The following MBD5 variants were observed in gnomAD, a reference collection of about 807,000 sequenced individuals.
The protein encoded by MBD5 is methyl-CpG-binding domain protein 5.
In MBD5, 13 loss-of-function variants were observed where a neutral mutation model predicts 117.3. That is an observed-to-expected ratio of 0.11 (90% CI 0.07 to 0.18). The LOEUF (loss-of-function observed/expected upper bound fraction) is 0.18. MBD5 is among the 10% of genes least tolerant of loss of function. MBD5 has a pLI of 1.00. For missense variants in MBD5, 1,879 were observed against 2,093.8 expected (o/e 0.90, Z 2.00); for synonymous variants, 727 against 766.4 (o/e 0.95, Z 0.85).
chr2:148,446,286 A>G (rs1454045926), intron 4 of MBD5, among the ~76,000 whole-genome samples: 1 of 152,108 alleles, frequency 6.6e-6, no homozygotes, highest in African/African-American at 2.4e-5. Context: ...TAAGTCTTTA[A>G]TCCATCTTGA....
rs1574328823 is a variant in MBD5, at chr2:148,356,910, A to T, written c.-557+14574A>T. On this transcript the variant is annotated intron_variant, in intron 4 of 13. Coordinates refer to ENST00000642680, the MANE Select transcript of MBD5 (RefSeq NM_001378120.1). ...TTCTCTTTTCTTTTCTTTTTTTTTA[A>T]TTCTGCTGTGATGAAGCGTATCCCT... Among the ~76,000 whole-genome samples the T allele has an allele frequency of 2.2e-5, 3 of 138,914 alleles. No homozygotes were observed. The South Asian group carries it at 7.1e-4, about 33-fold the overall frequency. 91.1% of individuals were successfully genotyped at this position (138,914 alleles called of 152,430 possible).
At chr2:148,053,539 A>T (rs1029516559) in intron 1 of MBD5, among the ~76,000 whole-genome samples, 2 of 152,000 alleles carry the variant, frequency 1.3e-5, no homozygotes, top group African/African-American at 4.8e-5. Context: ...TTTTGGGTTT[A>T]ATCATCTCTT....
intron 2 of MBD5, among the ~76,000 whole-genome samples, chr2:148,214,546 C>T (rs975354766): frequency 1.3e-5 from 2 of 152,012 alleles, no homozygotes; most frequent in Non-Finnish European, 1.5e-5. Flanking sequence ...CTTAAATTTC[C>T]CCAGTATCAC....
chr2:148,155,619 A>G (rs1697854270), intron 1 of MBD5, among the ~76,000 whole-genome samples: 1 of 152,110 alleles, frequency 6.6e-6, no homozygotes, highest in South Asian at 2.1e-4. Flanking sequence ...TTGGGCTTTT[A>G]TCATGGTCAC....
At chr2:148,444,413 C>T (rs1277616944) in intron 4 of MBD5, among the ~76,000 whole-genome samples, 1 of 151,180 alleles carries the variant, frequency 6.6e-6, no homozygotes, top group African/African-American at 2.5e-5. Flanking sequence ...TCTACTTCAG[C>T]CATCAGGCAG....
chr2:148,295,158 C>G (rs77717570), intron 3 of MBD5, among the ~76,000 whole-genome samples: 18,146 of 152,224 alleles, frequency 0.12, 1,429 homozygotes, highest in Non-Finnish European at 0.18. Context: ...ACATCTCCTT[C>G]TGGTACCCCT....
At chr2:148,294,252 T>G (rs1574250107) in intron 3 of MBD5, among the ~76,000 whole-genome samples, 5 of 139,270 alleles carry the variant, frequency 3.6e-5, no homozygotes, top group East Asian at 2.2e-4. Flanking sequence ...TGAGACAGAG[T>G]CTTGCTCTGT....
intron 3 of MBD5, among the ~76,000 whole-genome samples, chr2:148,326,463 G>A (rs1379867884): frequency 2.0e-5 from 3 of 152,074 alleles, no homozygotes; most frequent in Non-Finnish European, 2.9e-5. Context: ...ATTAATGTGT[G>A]GGAGTCTAAG....
At chr2:148,332,296 A>G (rs1057290357) in intron 3 of MBD5, among the ~76,000 whole-genome samples, 12 of 152,206 alleles carry the variant, frequency 7.9e-5, no homozygotes, top group Non-Finnish European at 4.4e-5. Context: ...AACTCAGTTC[A>G]TAGCTGAACC....
intron 4 of MBD5, among the ~76,000 whole-genome samples, chr2:148,420,903 AT>A (rs981106689): frequency 1.3e-4 from 20 of 151,876 alleles, no homozygotes; most frequent in African/African-American, 4.8e-4. Context: ...ACGTTTTTGT[AT>A]TTTTGGTAGT....
At chr2:148,459,991 G>T (rs960180331) in intron 5 of MBD5, among the ~76,000 whole-genome samples, 8 of 152,152 alleles carry the variant, frequency 5.3e-5, no homozygotes, top group Non-Finnish European at 1.0e-4. Context: ...TGGTAGATGA[G>T]ATGAACAAGC....
chr2:148,224,631 G>A (rs1699773854), intron 2 of MBD5, among the ~76,000 whole-genome samples: 1 of 147,422 alleles, frequency 6.8e-6, no homozygotes, highest in East Asian at 2.0e-4. Context: ...AAAGTGCTAG[G>A]ATTACAGGCG....
intron 2 of MBD5, among the ~76,000 whole-genome samples, chr2:148,232,334 C>A (rs978903386): frequency 1.3e-5 from 2 of 152,152 alleles, no homozygotes; most frequent in Non-Finnish European, 2.9e-5. Context: ...CATTCTGTTG[C>A]TCTATAGATA....
intron 4 of MBD5, among the ~76,000 whole-genome samples, chr2:148,441,122 T>C (rs1361145065): frequency 6.6e-6 from 1 of 152,182 alleles, no homozygotes; most frequent in African/African-American, 2.4e-5. Flanking sequence ...TTATTTATTA[T>C]ACTTTAAGTT....
rs144371661 is a variant in MBD5 at position 148,131,346 on chromosome 2, C to T, written c.-924-47354C>T. Among the ~76,000 whole-genome samples, 266 of 152,116 alleles carry T rather than the reference C, an allele frequency of 1.7e-3. 2 individuals are homozygous for T. Among genetic ancestry groups the T allele is most frequent in the African/African-American group, 5.9e-3 (247 of 41,514 alleles). ...AAATCTTGAATGAATGAATGAATGG[C>T]GTTTCATCTTTTCTTACACAATTTT... On this transcript the variant is annotated intron_variant, in intron 1 of 13. Coordinates refer to ENST00000642680, the MANE Select transcript of MBD5 (RefSeq NM_001378120.1).
At position 148,485,866 on chromosome 2, in the gene MBD5, G is replaced by A. The variant is rs143854410; in HGVS notation, c.3669G>A (p.Gln1223=). 99 of 1,613,982 alleles carry A rather than the reference G, an allele frequency of 6.1e-5. No homozygotes were observed. Among genetic ancestry groups the A allele is most frequent in the Non-Finnish European group, 1.5e-5 (18 of 1,179,984 alleles). The part of the protein sequence containing the change: ...QQQQQLLQGY[Q]NLQAFQGQST... ...AGCAGCAACTTCTCCAGGGGTACCA[G>A]AATCTCCAGGCGTTCCAAGGACAGT... Residue 1223 remains glutamine (Q), a synonymous_variant, in exon 10 of 14, where the codon CAG becomes CAA. Coordinates refer to ENST00000642680, the MANE Select transcript of MBD5 (RefSeq NM_001378120.1).
chr2:148,074,837 G>T (rs1455060717), intron 1 of MBD5, among the ~76,000 whole-genome samples: 1 of 152,070 alleles, frequency 6.6e-6, no homozygotes, highest in Non-Finnish European at 1.5e-5. Flanking sequence ...TGGCAGTAAT[G>T]ATTTGGAAAT....
intron 1 of MBD5, among the ~76,000 whole-genome samples, chr2:148,043,046 A>G (rs1694408334): frequency 6.6e-6 from 1 of 152,084 alleles, no homozygotes; most frequent in Non-Finnish European, 1.5e-5. Flanking sequence ...CTGAAAACGA[A>G]TGAACTCCTA....
intron 3 of MBD5, among the ~76,000 whole-genome samples, chr2:148,263,923 T>A (rs760399838): frequency 7.9e-5 from 12 of 152,176 alleles, no homozygotes; most frequent in Non-Finnish European, 8.8e-5. Flanking sequence ...ACTTCTAATT[T>A]CTCTAGCAGT....
Sources: gnomAD v4.1 joint callset for allele counts (sites outside exome capture counted in the v4.1 genomes callset) on GRCh38, gnomAD v4.1.1 for gene constraint, MANE v1.5 for transcripts, NCBI Gene and HGNC (gene_info 2026-07-23, HGNC 2026-07-21) for gene names.